Variants in ROR2 observed in about 807,000 individuals in gnomAD.
ROR2 encodes ROR family WNT receptor 2.
ROR2 carries 33 observed loss-of-function variants against 74.9 expected under a neutral mutation model. The observed-to-expected ratio is 0.44, with a 90% CI of 0.33 to 0.59. The LOEUF is 0.59. ROR2 is among the 20% of genes least tolerant of loss of function. The pLI, the probability that ROR2 is intolerant of heterozygous loss-of-function variation, is 0.02. For synonymous variants in ROR2, 586 were observed against 558.7 expected (o/e 1.05, Z -0.69); for missense variants, 1,216 against 1,313.8 (o/e 0.93, Z 1.15).
intron 1 of ROR2, among the ~76,000 whole-genome samples, chr9:91,844,899 G>A (rs1391541868): frequency 5.3e-5 from 8 of 152,170 alleles, no homozygotes; most frequent in Admixed American, 4.6e-4. Flanking sequence ...GGAAGGGGGT[G>A]CGGGAAGGGG....
At chr9:91,936,375 G>A (rs1291677792) in intron 1 of ROR2, among the ~76,000 whole-genome samples, 3 of 152,194 alleles carry the variant, frequency 2.0e-5, no homozygotes, top group Non-Finnish European at 4.4e-5. Flanking sequence ...AGTGTCGTCT[G>A]CCTGTGGTCT....
chr9:91,936,300 A>G (rs1193862505), intron 1 of ROR2, among the ~76,000 whole-genome samples: 1 of 152,202 alleles, frequency 6.6e-6, no homozygotes, highest in Non-Finnish European at 1.5e-5. Context: ...GTTGTCTCAC[A>G]GCTCTGGAGG....
At chr9:91,935,994 C>T (rs901923770) in intron 1 of ROR2, among the ~76,000 whole-genome samples, 12 of 152,368 alleles carry the variant, frequency 7.9e-5, no homozygotes, top group Admixed American at 3.9e-4. Flanking sequence ...GCACCCACCG[C>T]CTCCAGCCAG....
At chr9:91,913,485 A>C (rs1021539319) in intron 1 of ROR2, among the ~76,000 whole-genome samples, 1 of 152,216 alleles carries the variant, frequency 6.6e-6, no homozygotes, top group Admixed American at 6.5e-5. Context: ...AGAACTTGCC[A>C]ATTTTTCTGG....
At chr9:91,934,309 T>C (rs1831626417) in intron 1 of ROR2, among the ~76,000 whole-genome samples, 1 of 152,198 alleles carries the variant, frequency 6.6e-6, no homozygotes, top group Non-Finnish European at 1.5e-5. Context: ...GAAGTCCCTT[T>C]TGATCATACC....
chr9:91,729,955 G>GT (rs1315965604), intron 7 of ROR2, among the ~76,000 whole-genome samples: 1 of 152,040 alleles, frequency 6.6e-6, no homozygotes, highest in Non-Finnish European at 1.5e-5. Context: ...CAATAATGGT[G>GT]TTTTTTGTTT....
At chr9:91,861,434 GGAGGTCCA>G (rs1829465798) in intron 1 of ROR2, among the ~76,000 whole-genome samples, 1 of 152,214 alleles carries the variant, frequency 6.6e-6, no homozygotes, top group African/African-American at 2.4e-5. Context: ...TGAGTGGAAT[GGAGGTCCA>G]GAAATAAACC....
At chr9:91,904,050 T>TGG (rs1564029378) in intron 1 of ROR2, among the ~76,000 whole-genome samples, 1 of 146,800 alleles carries the variant, frequency 6.8e-6, no homozygotes, top group African/African-American at 2.6e-5. Context: ...TTGTTTTTTT[T>TGG]TGGGGGGGGG....
At chr9:91,916,094 G>A (rs189608124) in intron 1 of ROR2, among the ~76,000 whole-genome samples, 2 of 152,292 alleles carry the variant, frequency 1.3e-5, no homozygotes, top group Admixed American at 1.3e-4. Flanking sequence ...TCACATCTTG[G>A]CTGTAACTCA....
At chr9:91,859,907 A>G (rs969766401) in intron 1 of ROR2, among the ~76,000 whole-genome samples, 2 of 152,350 alleles carry the variant, frequency 1.3e-5, no homozygotes, top group African/African-American at 4.8e-5. Context: ...CATCACAAAG[A>G]AAAGCACAAC....
At chr9:91,895,785 A>G (rs1161943932) in intron 1 of ROR2, among the ~76,000 whole-genome samples, 1 of 152,228 alleles carries the variant, frequency 6.6e-6, no homozygotes, top group Non-Finnish European at 1.5e-5. Context: ...CGGCGGTTGC[A>G]GTGAGCCGAG....
chr9:91,933,643 T>G (rs1157657896), intron 1 of ROR2, among the ~76,000 whole-genome samples: 1 of 152,214 alleles, frequency 6.6e-6, no homozygotes, highest in African/African-American at 2.4e-5. Flanking sequence ...CCTCAGTATG[T>G]ATGGTATGAT....
intron 1 of ROR2, among the ~76,000 whole-genome samples, chr9:91,923,253 G>A (rs1010853695): frequency 6.6e-6 from 1 of 152,252 alleles, no homozygotes; most frequent in South Asian, 2.1e-4. Flanking sequence ...TTGCTGTGAA[G>A]AGGGAGAGTG....
Position 91,733,045 on chromosome 9 carries a change from C to G in ROR2, c.937+77G>C. The G allele has an allele frequency of 7.2e-7, 1 of 1,396,354 alleles. No individual in the cohort carries two copies. The highest frequency in any genetic ancestry group is 9.7e-7 in the Non-Finnish European group (1 of 1,028,532). 86.5% of individuals were successfully genotyped at this position (1,396,354 alleles called of 1,614,324 possible). A position where few individuals can be genotyped will look rare whatever the true frequency, so the allele number is the denominator to read the frequency against. On this transcript the variant is annotated intron_variant, in intron 6 of 8. Coordinates refer to ENST00000375708, the MANE Select transcript of ROR2 (RefSeq NM_004560.4). The surrounding 1 kb of genome is among the most constrained non-coding windows in gnomAD (Gnocchi z 5.7). ...ACAGATGGGGCTCCCTGGGCTTCAC[C>G]GACACCCCCATACACATTTCAAGGG...
chr9:91,774,787 A>AT (rs1261529019), intron 2 of ROR2, among the ~76,000 whole-genome samples: 1 of 152,316 alleles, frequency 6.6e-6, no homozygotes, highest in East Asian at 1.9e-4. Flanking sequence ...GAGAAGCATG[A>AT]TTCGATACTT....
intron 1 of ROR2, among the ~76,000 whole-genome samples, chr9:91,875,834 A>AG (rs1420652550): frequency 2.0e-5 from 3 of 152,092 alleles, no homozygotes; most frequent in Non-Finnish European, 4.4e-5. Context: ...CAGCTTTATA[A>AG]GGGGGGTCCA....
At chr9:91,752,743 G>A (rs944034020) in intron 4 of ROR2, among the ~76,000 whole-genome samples, 2 of 152,168 alleles carry the variant, frequency 1.3e-5, no homozygotes, top group African/African-American at 4.8e-5. Context: ...TGAAGAAGGA[G>A]GAGCAAGAAT....
At chr9:91,800,145 C>T (rs922709007) in intron 1 of ROR2, among the ~76,000 whole-genome samples, 1 of 152,134 alleles carries the variant, frequency 6.6e-6, no homozygotes, top group East Asian at 1.9e-4. Context: ...AGTTCGAGAC[C>T]AGTCCGGCCA....
At chr9:91,735,745 T>G (rs905020392) in intron 5 of ROR2, among the ~76,000 whole-genome samples, 2 of 150,060 alleles carry the variant, frequency 1.3e-5, no homozygotes, top group African/African-American at 4.9e-5. Flanking sequence ...GCCTCCCAAG[T>G]AGCTGGGATT....
Sources: gnomAD v4.1 joint callset for allele counts (sites outside exome capture counted in the v4.1 genomes callset) on GRCh38, gnomAD v4.1.1 for gene constraint, Gnocchi (gnomAD v3.1) non-coding constraint, MANE v1.5 for transcripts, NCBI Gene and HGNC (gene_info 2026-07-23, HGNC 2026-07-21) for gene names.